The following OVCH1 variants were observed in gnomAD, a reference collection of about 807,000 sequenced individuals.
OVCH1 encodes the protein ovochymase 1, also known as ovochymase-1.
OVCH1 carries 139 observed loss-of-function variants against 138.4 expected under a neutral mutation model. The observed-to-expected ratio is 1.00, with a 90% confidence interval of 0.87 to 1.16. The LOEUF (loss-of-function observed/expected upper bound fraction) is 1.16. Ranked by LOEUF, OVCH1 falls within the 50% of genes most tolerant of loss-of-function variation. The pLI is 0.00. For missense variants in OVCH1, 1,367 were observed against 1,357.9 expected (o/e 1.01, Z -0.11); for synonymous variants, 453 against 467.8 (o/e 0.97, Z 0.41).
At chr12:29,467,545 G>C (rs1385244182) in intron 16 of OVCH1, among the ~76,000 whole-genome samples, 1 of 152,148 alleles carries the variant, frequency 6.6e-6, no homozygotes, top group Non-Finnish European at 1.5e-5. Flanking sequence ...CAACCCAACA[G>C]TGGAGCATGT....
chr12:29,440,915 C>G (rs115693515), intron 25 of OVCH1, among the ~76,000 whole-genome samples, 171 bp from the exon 26 acceptor site: 81 of 152,248 alleles, frequency 5.3e-4, no homozygotes, highest in African/African-American at 1.9e-3. Flanking sequence ...AAGGCAAAGG[C>G]CAGCAAAAAG....
chr12:29,473,425 G>A (rs1942584694), intron 14 of OVCH1, among the ~76,000 whole-genome samples: 2 of 151,934 alleles, frequency 1.3e-5, no homozygotes, highest in African/African-American at 4.8e-5. Context: ...TATTGCCAAG[G>A]TAATGTTCAT....
intron 8 of OVCH1, among the ~76,000 whole-genome samples, chr12:29,480,559 G>A (rs144846392): frequency 1.3e-5 from 2 of 152,298 alleles, no homozygotes; most frequent in African/African-American, 4.8e-5. Flanking sequence ...TGAGAGAGGG[G>A]TCCCCAAACT....
chr12:29,455,570 C>A (rs1341398865), intron 19 of OVCH1, among the ~76,000 whole-genome samples, 165 bp from the exon 20 acceptor site: 1 of 152,062 alleles, frequency 6.6e-6, no homozygotes, highest in Non-Finnish European at 1.5e-5. Context: ...CACTGTTTTG[C>A]AAAAGGAAAC....
intron 18 of OVCH1, 81 bp from the exon 19 acceptor site, chr12:29,462,089 A>G: frequency 6.9e-7 from 1 of 1,453,386 alleles, no homozygotes; most frequent in East Asian, 2.3e-5. Flanking sequence ...GTTCAGATGT[A>G]GCTCTGTACC....
downstream of OVCH1, among the ~76,000 whole-genome samples, chr12:29,426,293 TA>T (rs928040477): frequency 2.0e-5 from 3 of 152,218 alleles, no homozygotes; most frequent in African/African-American, 4.8e-5. Flanking sequence ...AATTTTGCTT[TA>T]AAAGGAAGCA....
At chr12:29,435,351 C>T (rs776142330) in intron 26 of OVCH1, among the ~76,000 whole-genome samples, 1 of 152,140 alleles carries the variant, frequency 6.6e-6, no homozygotes, top group Non-Finnish European at 1.5e-5. Flanking sequence ...GACAACATAG[C>T]GAGAACCTGT....
chr12:29,423,845 C>T (rs1941139842), downstream of OVCH1, among the ~76,000 whole-genome samples: 1 of 152,126 alleles, frequency 6.6e-6, no homozygotes, highest in Non-Finnish European at 1.5e-5. Context: ...CTCAAAGCAG[C>T]TCTATCTGGT....
At chr12:29,428,744 A>G (rs1271199911) in intron 27 of OVCH1, among the ~76,000 whole-genome samples, 2 of 152,214 alleles carry the variant, frequency 1.3e-5, no homozygotes, top group African/African-American at 4.8e-5. Flanking sequence ...GGAAAAAGAA[A>G]GCATCAAAAT....
intron 25 of OVCH1, among the ~76,000 whole-genome samples, chr12:29,442,147 A>G (rs1037961568): frequency 1.3e-5 from 2 of 151,950 alleles, no homozygotes; most frequent in African/African-American, 2.4e-5. Context: ...ACTATAAATC[A>G]TGCTGCTACA....
chr12:29,493,676 T>C (rs1943334189), intron 4 of OVCH1, among the ~76,000 whole-genome samples: 1 of 152,224 alleles, frequency 6.6e-6, no homozygotes, highest in South Asian at 2.1e-4. Context: ...TTTTCATGTT[T>C]TACTGGCTTA....
chr12:29,434,207 T>C (rs1031903679), intron 26 of OVCH1, among the ~76,000 whole-genome samples: 1 of 152,204 alleles, frequency 6.6e-6, no homozygotes, highest in African/African-American at 2.4e-5. Context: ...ATTAGTACAT[T>C]CAGGAAGTGA....
At chr12:29,439,559 T>C in intron 25 of OVCH1, 4 of 1,225,868 alleles carry the variant, frequency 3.3e-6, no homozygotes, top group Non-Finnish European at 4.2e-6. Context: ...ACTGCTACTC[T>C]CGGTACTTTA....
chr12:29,428,142 C>T (rs1347140275), intron 27 of OVCH1, among the ~76,000 whole-genome samples: 1 of 152,114 alleles, frequency 6.6e-6, no homozygotes, highest in African/African-American at 2.4e-5. Flanking sequence ...AGACAAAAAA[C>T]GGCTGTGTGC....
At chr12:29,451,140 A>G (rs1941780320) in intron 22 of OVCH1, among the ~76,000 whole-genome samples, 1 of 151,980 alleles carries the variant, frequency 6.6e-6, no homozygotes, top group African/African-American at 2.4e-5. Context: ...TGTTCTGCAC[A>G]TGTAACCCAG....
chr12:29,495,473 A>C lies in OVCH1; in HGVS notation c.282-16T>G. 1 of 1,607,740 alleles carries C rather than the reference A, an allele frequency of 6.2e-7. No individual in the cohort carries two copies. The highest frequency in any genetic ancestry group is 1.3e-5 in the African/African-American group (1 of 74,786). On this transcript the variant is annotated splice_polypyrimidine_tract_variant and intron_variant, in intron 3 of 27. Coordinates refer to ENST00000318184, the Ensembl canonical transcript of OVCH1. ...CAGCTGCTTCCTAAAACCAAAGAAA[A>C]ATGTTTCATAAGTAGTTGTTTCCCC...
intron 4 of OVCH1, among the ~76,000 whole-genome samples, chr12:29,494,389 T>C (rs1452798120): frequency 1.3e-5 from 2 of 152,200 alleles, no homozygotes; most frequent in Non-Finnish European, 2.9e-5. Flanking sequence ...AGAATGTTTA[T>C]ATTACCTGTG....
chr12:29,450,714 C>G (rs1941763851), intron 22 of OVCH1, among the ~76,000 whole-genome samples: 1 of 152,114 alleles, frequency 6.6e-6, no homozygotes, highest in Non-Finnish European at 1.5e-5. Flanking sequence ...GACACATGCA[C>G]ATGTATGTTT....
At chr12:29,454,810 G>A (rs1200694740) in intron 21 of OVCH1, 31 bp downstream of exon 21, 1 of 1,557,374 alleles carries the variant, frequency 6.4e-7, no homozygotes. Context: ...CTGGCTGAAA[G>A]TATTAATGGG....
Sources: allele counts gnomAD v4.1 joint callset (sites outside exome capture counted in the v4.1 genomes callset), GRCh38; gene constraint gnomAD v4.1.1; transcripts MANE v1.5; gene names NCBI Gene and HGNC (gene_info 2026-07-23, HGNC 2026-07-21).